Variants in SAMMSON observed in about 807,000 individuals in gnomAD.
SAMMSON encodes the protein survival associated mitochondrial melanoma specific oncogenic non-coding RNA, also known as long intergenic non-protein coding RNA 1212.
chr3:70,092,050 A>G (rs2067306768), intron 4 of SAMMSON, among the ~76,000 whole-genome samples: 1 of 152,122 alleles, frequency 6.6e-6, no homozygotes, highest in African/African-American at 2.4e-5. Context: ...GCATCTAGGA[A>G]TAAGGAAGCG....
intron 4 of SAMMSON, among the ~76,000 whole-genome samples, chr3:70,122,968 A>G (rs983042729): frequency 2.6e-5 from 4 of 152,180 alleles, no homozygotes; most frequent in Non-Finnish European, 5.9e-5. Context: ...GCAGTGAGGA[A>G]TGCTCTCCTT....
chr3:70,111,073 C>G (rs1296498009), intron 4 of SAMMSON, among the ~76,000 whole-genome samples: 1 of 152,092 alleles, frequency 6.6e-6, no homozygotes, highest in East Asian at 1.9e-4. Context: ...TCTCTTGGTC[C>G]ATTGAAAAAT....
At chr3:70,035,790 C>T (rs2067083164) in intron 3 of SAMMSON, among the ~76,000 whole-genome samples, 1 of 152,150 alleles carries the variant, frequency 6.6e-6, no homozygotes. Context: ...CTGAGTCACA[C>T]TCATTGTGTA....
chr3:70,172,500 G>A (rs1700966957), intron 4 of SAMMSON: 1 of 151,880 alleles, frequency 6.6e-6, no homozygotes, highest in Non-Finnish European at 1.5e-5. Flanking sequence ...TCTTATAAGT[G>A]TTGGTTTTAT....
chr3:70,116,090 A>T (rs747167985), intron 4 of SAMMSON, among the ~76,000 whole-genome samples: 6 of 152,158 alleles, frequency 3.9e-5, no homozygotes, highest in Admixed American at 1.3e-4. Context: ...TCACTAGGTT[A>T]AATTTCTGAC....
At chr3:70,250,071 G>A (rs966151013) in intron 6 of SAMMSON, among the ~76,000 whole-genome samples, 2 of 152,160 alleles carry the variant, frequency 1.3e-5, no homozygotes, top group Non-Finnish European at 1.5e-5. Flanking sequence ...GTGTGGTCAG[G>A]TTGTGCAAAT....
intron 4 of SAMMSON, among the ~76,000 whole-genome samples, chr3:70,231,197 T>C (rs1369834291): frequency 2.6e-5 from 4 of 152,196 alleles, no homozygotes; most frequent in Admixed American, 2.0e-4. Flanking sequence ...AAAGAGGTTT[T>C]ATTGAAGGAA....
intron 7 of SAMMSON, among the ~76,000 whole-genome samples, chr3:70,344,649 G>A (rs1459516300): frequency 1.3e-5 from 2 of 152,208 alleles, no homozygotes; most frequent in African/African-American, 2.4e-5. Flanking sequence ...AGGAGTCACA[G>A]ACACCCACCT....
At chr3:70,054,618 C>T (rs1239629864) in intron 3 of SAMMSON, among the ~76,000 whole-genome samples, 2 of 152,062 alleles carry the variant, frequency 1.3e-5, no homozygotes, top group African/African-American at 2.4e-5. Flanking sequence ...CATTAACCCC[C>T]AAAGTTAAAG....
intron 4 of SAMMSON, among the ~76,000 whole-genome samples, chr3:70,108,927 T>C (rs1401242917): frequency 6.6e-6 from 1 of 152,154 alleles, no homozygotes; most frequent in Admixed American, 6.5e-5. Context: ...ACCACAGATG[T>C]ATCTGCTTAT....
chr3:70,001,208 T>C (rs71298320), intron 1 of SAMMSON, among the ~76,000 whole-genome samples: 4,427 of 152,120 alleles, frequency 0.029, 117 homozygotes, highest in Non-Finnish European at 0.042. Flanking sequence ...CCCTTTTTAA[T>C]TGCATAAAAA....
chr3:70,289,686 T>G (rs559973906), intron 6 of SAMMSON, among the ~76,000 whole-genome samples: 2 of 152,284 alleles, frequency 1.3e-5, no homozygotes, highest in South Asian at 4.1e-4. Flanking sequence ...CCCCATCACT[T>G]TCAGGTACAC....
intron 4 of SAMMSON, among the ~76,000 whole-genome samples, chr3:70,166,132 G>T (rs1437394722): frequency 6.6e-6 from 1 of 151,958 alleles, no homozygotes; most frequent in Admixed American, 6.6e-5. Flanking sequence ...TGTTCAGTTG[G>T]TTAAGATCAT....
At chr3:70,400,314 G>C (rs778119986) in intron 2 of SAMMSON, among the ~76,000 whole-genome samples, 4 of 152,162 alleles carry the variant, frequency 2.6e-5, no homozygotes, top group African/African-American at 9.6e-5. Flanking sequence ...GGTCATGCAG[G>C]TGGATCCCTC....
chr3:70,021,918 T>C (rs925829776), intron 3 of SAMMSON, among the ~76,000 whole-genome samples: 1 of 152,142 alleles, frequency 6.6e-6, no homozygotes, highest in Non-Finnish European at 1.5e-5. Flanking sequence ...AAGAAACCTA[T>C]GAAATCTTCA....
chr3:70,326,266 G>T (rs545793379), intron 7 of SAMMSON, among the ~76,000 whole-genome samples: 5 of 152,064 alleles, frequency 3.3e-5, no homozygotes, highest in African/African-American at 1.2e-4. Context: ...GCAAATGATG[G>T]GTTTGACATT....
rs566033140 is a variant in SAMMSON, at chr3:70,316,202, T to A, written n.739+24959T>A. Reference sequence around the variant, plus strand: ...ATTATCACACATTTTATGTTCCTTTTCCTGTTAAAATAGAATTAAATGCAT... The same window carrying A: ...ATTATCACACATTTTATGTTCCTTTACCTGTTAAAATAGAATTAAATGCAT... On this transcript the variant is annotated intron_variant and non_coding_transcript_variant, in intron 7 of 9. Transcript: ENST00000642114. Among the ~76,000 whole-genome samples, 172 of 152,270 alleles carry A rather than the reference T, an allele frequency of 1.1e-3. 2 individuals are homozygous for A. The highest frequency in any genetic ancestry group is 1.4e-3 in the East Asian group (7 of 5,180).
chr3:70,010,224 A>C (rs1273239078), intron 1 of SAMMSON, among the ~76,000 whole-genome samples: 1 of 151,820 alleles, frequency 6.6e-6, no homozygotes, highest in Non-Finnish European at 1.5e-5. Context: ...GATGTGTCTA[A>C]TGTTGACCGT....
chr3:70,133,846 G>T (rs961969120), intron 4 of SAMMSON, among the ~76,000 whole-genome samples: 2 of 152,124 alleles, frequency 1.3e-5, no homozygotes, highest in African/African-American at 4.8e-5. Flanking sequence ...TTAATTTTCT[G>T]AGGTATAGCA....
Sources: gnomAD v4.1 joint callset for allele counts (sites outside exome capture counted in the v4.1 genomes callset) on GRCh38, gnomAD v4.1.1 for gene constraint, MANE v1.5 for transcripts, NCBI Gene and HGNC (gene_info 2026-07-23, HGNC 2026-07-21) for gene names.